Variants in CWF19L1 observed in about 807,000 individuals in gnomAD.
CWF19L1 encodes CWF19-like protein 1.
In CWF19L1, 60 loss-of-function variants were observed where a neutral mutation model predicts 69.7. That is an observed-to-expected ratio of 0.86 (90% CI 0.70 to 1.07). The LOEUF (loss-of-function observed/expected upper bound fraction) is 1.07. Among genes scored for constraint, CWF19L1 ranks in the 50% least tolerant of loss-of-function variants. The pLI, the probability that CWF19L1 is intolerant of heterozygous loss-of-function variation, is 0.00. For missense variants in CWF19L1, 591 were observed against 638.9 expected (o/e 0.92, Z 0.81); for synonymous variants, 209 against 222.2 (o/e 0.94, Z 0.53).
chr10:100,234,583 A>G (rs1003427800), intron 13 of CWF19L1, among the ~76,000 whole-genome samples: 2 of 152,314 alleles, frequency 1.3e-5, no homozygotes, highest in Middle Eastern at 3.4e-3. Context: ...AGACAACTAC[A>G]TTTACTGGAC....
intron 1 of CWF19L1, among the ~76,000 whole-genome samples, chr10:100,265,731 G>C (rs1189264095): frequency 6.6e-6 from 1 of 151,904 alleles, no homozygotes; most frequent in Non-Finnish European, 1.5e-5. Context: ...ATGTTGGCCA[G>C]GCTGGTCTTG....
rs1185464984 is a variant in CWF19L1, at chr10:100,255,929, C to CA, written c.504+332dup. Among the ~76,000 whole-genome samples the CA allele has an allele frequency of 4.1e-3, 598 of 145,710 alleles. 4 individuals carry two copies. The highest frequency in any genetic ancestry group is 0.014 in the African/African-American group (557 of 39,334). Reference sequence around the variant, plus strand: ...TGGGCGACAGAGTGAGACTCCATCTCAAAAAAAAACAAAAAACAAAAAACA... The same window carrying CA: ...TGGGCGACAGAGTGAGACTCCATCTCAAAAAAAAAACAAAAAACAAAAAACA... On this transcript the variant is annotated intron_variant, in intron 5 of 13. Transcript: ENST00000354105.
At position 100,256,413 on chromosome 10, in the gene CWF19L1, G is replaced by A. The variant is rs1847215339; in HGVS notation, c.353C>T (p.Ser118Phe). The change falls in exon 5 of 14, where the codon TCC (serine) becomes TTC (phenylalanine). Residue 118 changes from serine (S) to phenylalanine (F), a missense_variant. Transcript: ENST00000354105. ...LQIVYLSGTE[S>F]LNEPVPGYSF... ...ATAACCTGGTACTGGCTCATTTAAG[G>A]ATTCTGTCCCACTGAGGTACACAAT... 6.2e-7 allele frequency: 1 copy of A among 1,614,032 alleles called. No individual in the cohort carries two copies. Among genetic ancestry groups the A allele is most frequent in the African/African-American group, 1.3e-5 (1 of 74,900 alleles).
intron 1 of CWF19L1, among the ~76,000 whole-genome samples, chr10:100,267,147 C>CCCA (rs1847624171): frequency 8.1e-4 from 25 of 30,778 alleles, no homozygotes; most frequent in Middle Eastern, 0.029. Flanking sequence ...CTCCTCCTCG[C>CCCA]AAAAAAAAAA....
chr10:100,254,939 T>A (rs566395358), intron 5 of CWF19L1, among the ~76,000 whole-genome samples: 1 of 152,328 alleles, frequency 6.6e-6, no homozygotes, highest in South Asian at 2.1e-4. Flanking sequence ...TAATGCCTGG[T>A]ATCCTGTTGG....
intron 7 of CWF19L1, chr10:100,248,436 C>A: frequency 1.4e-6 from 1 of 699,028 alleles, no homozygotes. Flanking sequence ...CTTTCTCATT[C>A]CATGGGTACA....
rs188415891 is a variant in CWF19L1 at position 100,246,118 on chromosome 10, G to A, written c.850-205C>T. ...TACATCAACACTTATCCAAACTACT[G>A]CCAAATTCATCTCTTTGGAAAAACG... On this transcript the variant is annotated intron_variant, in intron 8 of 13. Transcript: ENST00000354105. The A allele has an allele frequency of 1.2e-3, 581 of 472,224 alleles. 7 individuals are homozygous for A. Among genetic ancestry groups the A allele is most frequent in the Non-Finnish European group, 2.4e-4 (63 of 264,160 alleles). The allele number at this position is 472,224 out of a possible 1,614,324, so 29.3% of individuals were successfully genotyped here. A position where few individuals can be genotyped will look rare whatever the true frequency, so the allele number is the denominator to read the frequency against.
chr10:100,249,135 C>A, intron 7 of CWF19L1: 1 of 426,306 alleles, frequency 2.3e-6, no homozygotes, highest in Non-Finnish European at 4.3e-6. Flanking sequence ...ATTCTTAACA[C>A]TGTCTTCCTT....
chr10:100,261,913 T>C (rs1847414854), intron 2 of CWF19L1, 66 bp downstream of exon 2: 1 of 1,397,328 alleles, frequency 7.2e-7, no homozygotes, highest in Non-Finnish European at 9.8e-7. Flanking sequence ...CTTAAAGGAG[T>C]GCAAACTTTA....
intron 1 of CWF19L1, among the ~76,000 whole-genome samples, chr10:100,264,692 G>C (rs950116818): frequency 6.6e-6 from 1 of 151,936 alleles, no homozygotes; most frequent in South Asian, 2.1e-4. Context: ...GTTATCATAG[G>C]AGATGACAGC....
chr10:100,260,232 T>C lies in CWF19L1; in HGVS notation c.275A>G (p.Asn92Ser), dbSNP rs765502012. ...QDADGCELAENITYLGRKGIF... is the reference protein window; with the variant it reads ...QDADGCELAESITYLGRKGIF... ...TATCAGCTTACCCAGATAAGTAATGTTTTCAGCTAATTCACATCCATCAGC... is the reference window on the plus strand; with the variant it reads ...TATCAGCTTACCCAGATAAGTAATGCTTTCAGCTAATTCACATCCATCAGC... Residue 92 changes from asparagine (N) to serine (S), a missense_variant, in exon 4 of 14, where the codon AAC (asparagine) becomes AGC (serine). This residue lies in a region of CWF19L1 where 129 missense variants were observed against 131.3 expected (regional missense o/e 0.98). Transcript: ENST00000354105. 3 of 1,605,100 alleles carry C rather than the reference T, an allele frequency of 1.9e-6. No homozygotes were observed. The Admixed American group carries it at 5.0e-5, about 27-fold the overall frequency.
At chr10:100,250,685 A>T (rs913188976) in intron 6 of CWF19L1, among the ~76,000 whole-genome samples, 3 of 152,108 alleles carry the variant, frequency 2.0e-5, no homozygotes, top group Non-Finnish European at 2.9e-5. Context: ...ATAAAAAGCT[A>T]AAATAGGCCA....
chr10:100,233,206 TA>T lies in CWF19L1; in HGVS notation c.*20del. 6.3e-7 allele frequency: 1 copy of T among 1,578,282 alleles called. No individual in the cohort carries two copies. The highest frequency in any genetic ancestry group is 1.7e-4 in the Middle Eastern group (1 of 5,818). On this transcript the variant is annotated 3_prime_UTR_variant, in exon 14 of 14. Coordinates refer to ENST00000354105, the MANE Select transcript of CWF19L1 (RefSeq NM_018294.6). The stretch of plus-strand genomic sequence containing the variant: ...GCTTTACTACTTCCTGTGGAGTTCA[TA>T]AAAAGTTCTTCCCTTTGTTTTAGTC...
intron 7 of CWF19L1, among the ~76,000 whole-genome samples, chr10:100,249,587 T>C (rs1846953533): frequency 6.6e-6 from 1 of 151,256 alleles, no homozygotes; most frequent in Admixed American, 6.6e-5. Flanking sequence ...TCTGGGTTTC[T>C]TTTTTTTTGT....
intron 6 of CWF19L1, 74 bp downstream of exon 6, chr10:100,253,347 C>T (rs1039671753): frequency 1.2e-5 from 11 of 887,092 alleles, no homozygotes; most frequent in Admixed American, 6.2e-5. Flanking sequence ...TGGTTAAAAA[C>T]GAACAAGAGA....
At chr10:100,265,264 T>TA (rs982758326) in intron 1 of CWF19L1, among the ~76,000 whole-genome samples, 4 of 152,146 alleles carry the variant, frequency 2.6e-5, no homozygotes, top group South Asian at 4.1e-4. Flanking sequence ...TCAAAAAGTG[T>TA]AAAAAAACTT....
chr10:100,265,383 T>C (rs924283164), intron 1 of CWF19L1, among the ~76,000 whole-genome samples: 1 of 151,912 alleles, frequency 6.6e-6, no homozygotes, highest in Non-Finnish European at 1.5e-5. Flanking sequence ...TCTACAATAC[T>C]GTAAAGTAAT....
chr10:100,266,133 T>C (rs1847573427), intron 1 of CWF19L1, among the ~76,000 whole-genome samples: 1 of 151,930 alleles, frequency 6.6e-6, no homozygotes, highest in Non-Finnish European at 1.5e-5. Context: ...AATACCCCTC[T>C]TATGCACTCT....
In CWF19L1 at chr10:100,246,969, A is replaced by G. The variant is rs570655172; in HGVS notation, c.709-34T>C. ...AAAAAGAACATAATGACATTAGGGG[A>G]AATACTATTTACCCAACTGTAATCA... On this transcript the variant is annotated intron_variant, in intron 7 of 13. Transcript: ENST00000354105. 13 of 1,552,270 alleles carry G rather than the reference A, an allele frequency of 8.4e-6. No homozygotes were observed. In the South Asian group the frequency reaches 1.3e-4, roughly 16 times the overall value.
Sources: allele counts gnomAD v4.1 joint callset (sites outside exome capture counted in the v4.1 genomes callset), GRCh38; gene constraint gnomAD v4.1.1; regional missense constraint gnomAD v4.1.1; transcripts MANE v1.5; gene names NCBI Gene and HGNC (gene_info 2026-07-23, HGNC 2026-07-21).